Variants in SRPRB observed in about 807,000 individuals in gnomAD.
SRPRB encodes the protein SRP receptor subunit beta.
SRPRB carries 20 observed loss-of-function variants against 31.9 expected under a neutral mutation model. The ratio of observed to expected loss-of-function variants is 0.63; its 90% CI spans 0.44 to 0.91. SRPRB has a LOEUF of 0.91. Among genes scored for constraint, SRPRB ranks in the 40% least tolerant of loss-of-function variants. SRPRB has a pLI of 0.00. For missense variants in SRPRB, 321 were observed against 324.9 expected (o/e 0.99, Z 0.09); for synonymous variants, 146 against 132.8 (o/e 1.10, Z -0.68).
chr3:133,815,387 C>T (rs112768148), intron 4 of SRPRB, among the ~76,000 whole-genome samples: 194 of 152,140 alleles, frequency 1.3e-3, no homozygotes, highest in African/African-American at 4.4e-3. Context: ...TTTTCAGCTT[C>T]AGTCATTGAT....
intron 1 of SRPRB, 21 bp downstream of exon 1, chr3:133,806,023 A>G: frequency 6.2e-7 from 1 of 1,609,480 alleles, no homozygotes; most frequent in East Asian, 2.2e-5. Context: ...GCCGGTGGTC[A>G]TGGCGGGTTT....
chr3:133,809,698 C>A (rs1292387191), intron 3 of SRPRB, among the ~76,000 whole-genome samples: 1 of 151,936 alleles, frequency 6.6e-6, no homozygotes, highest in Non-Finnish European at 1.5e-5. Context: ...AGGACTAGTC[C>A]AAATTGAGGC....
chr3:133,803,283 G>A (rs1380422563), upstream of SRPRB, among the ~76,000 whole-genome samples: 1 of 152,050 alleles, frequency 6.6e-6, no homozygotes, highest in East Asian at 1.9e-4. Flanking sequence ...GCCGAGAAGC[G>A]ATCCCCAAAT....
downstream of SRPRB, chr3:133,826,199 C>T (rs1656725522): frequency 6.6e-6 from 1 of 152,152 alleles, no homozygotes; most frequent in African/African-American, 2.4e-5. Flanking sequence ...CCTCAGAGGC[C>T]AAGGGGCTGG....
At chr3:133,828,166 C>A, downstream of SRPRB, 3 of 591,804 alleles carry the variant, frequency 5.1e-6, no homozygotes, top group Non-Finnish European at 9.0e-6. Context: ...CAGCTCCACA[C>A]GAGGTTGACG....
At chr3:133,797,226 A>C (rs1388504320) in intron 1 of SRPRB, among the ~76,000 whole-genome samples, 10 of 152,228 alleles carry the variant, frequency 6.6e-5, no homozygotes, top group African/African-American at 2.4e-4. Flanking sequence ...CATTGAGTAC[A>C]CTTTGTGTTA....
intron 4 of SRPRB, among the ~76,000 whole-genome samples, chr3:133,815,374 C>CT (rs1440128891): frequency 6.6e-6 from 1 of 152,004 alleles, no homozygotes; most frequent in Non-Finnish European, 1.5e-5. Context: ...TTCTTACTGT[C>CT]TTTTTTCAGC....
downstream of SRPRB, among the ~76,000 whole-genome samples, chr3:133,823,471 T>C (rs1421416703): frequency 5.9e-5 from 9 of 152,232 alleles, no homozygotes; most frequent in Non-Finnish European, 1.3e-4. Context: ...CAGTCTGTTC[T>C]CAAACTCCTG....
At chr3:133,819,296 A>C (rs1935422744) in intron 6 of SRPRB, among the ~76,000 whole-genome samples, 1 of 152,128 alleles carries the variant, frequency 6.6e-6, no homozygotes, top group Non-Finnish European at 1.5e-5. Flanking sequence ...GGCTGAAAGA[A>C]AGTTGGTGTG....
rs1935457369 is a variant in SRPRB at position 133,820,731 on chromosome 3, G to C, written c.*965G>C. On this transcript the variant is annotated 3_prime_UTR_variant, in exon 7 of 7. Transcript: ENST00000678299. ...AACACAAGGCTTTTTTGAATGATTAGTATATTTCATGGTAAAGAAAACAGC... is the reference window on the plus strand; with the variant it reads ...AACACAAGGCTTTTTTGAATGATTACTATATTTCATGGTAAAGAAAACAGC... The C allele has an allele frequency of 6.6e-6, 1 of 152,034 alleles. No individual in the cohort carries two copies. The highest frequency in any genetic ancestry group is 1.5e-5 in the Non-Finnish European group (1 of 68,010). 9.4% of individuals were successfully genotyped at this position (152,034 alleles called of 1,614,324 possible). A position where few individuals can be genotyped will look rare whatever the true frequency, so the allele number is the denominator to read the frequency against.
intron 5 of SRPRB, among the ~76,000 whole-genome samples, chr3:133,816,513 G>A (rs560878056): frequency 1.5e-4 from 23 of 152,288 alleles, no homozygotes; most frequent in African/African-American, 5.5e-4. Context: ...GACAGATAGG[G>A]CACTGTCTTT....
chr3:133,803,111 C>A (rs571414955), upstream of SRPRB, among the ~76,000 whole-genome samples: 1 of 152,310 alleles, frequency 6.6e-6, no homozygotes, highest in South Asian at 2.1e-4. Context: ...GTATTAGACT[C>A]TGAGCATCCT....
intron 1 of SRPRB, chr3:133,790,188 C>T (rs1934797394): frequency 6.6e-6 from 1 of 152,060 alleles, no homozygotes; most frequent in East Asian, 1.9e-4. Context: ...TTTTGATGCT[C>T]ATTTAAGATC....
upstream of SRPRB, among the ~76,000 whole-genome samples, chr3:133,804,111 A>G (rs867548380): frequency 1.0e-4 from 15 of 150,514 alleles, no homozygotes; most frequent in East Asian, 1.4e-3. Context: ...AAAAAAAAAA[A>G]AAAAAGAAAA....
chr3:133,811,190 C>G lies in SRPRB; in HGVS notation c.401C>G (p.Ser134Cys), dbSNP rs775353473. ...LRLQFLERFK[S>C]SARAIVFVVD... ...CTTCAGTTCTTAGAGCGGTTTAAGT[C>G]TTCAGCCAGGTAAGAAGGAAAGAAG... The change falls in exon 4 of 7, where the codon TCT (serine) becomes TGT (cysteine). Residue 134 changes from serine (S) to cysteine (C), a missense_variant. Ser to Cys is a moderately radical substitution (Grantham distance 112). Transcript: ENST00000678299. The G allele has an allele frequency of 1.3e-5, 21 of 1,614,002 alleles. 1 individual carries two copies. The highest frequency in any genetic ancestry group is 1.6e-5 in the Non-Finnish European group (19 of 1,180,014).
chr3:133,789,894 T>TG (rs1159832985), intron 1 of SRPRB: 1 of 148,142 alleles, frequency 6.8e-6, no homozygotes, highest in African/African-American at 2.5e-5. Context: ...TTTTTTTTTT[T>TG]TTTTTTTTTT....
chr3:133,810,935 C>A, intron 3 of SRPRB, 182 bp from the exon 4 acceptor site: 2 of 494,514 alleles, frequency 4.0e-6, no homozygotes, highest in East Asian at 3.5e-5. Flanking sequence ...GATCAGGAAC[C>A]GTGTCTTTGG....
chr3:133,801,011 C>T (rs1412352423), upstream of SRPRB, among the ~76,000 whole-genome samples: 1 of 152,130 alleles, frequency 6.6e-6, no homozygotes, highest in Non-Finnish European at 1.5e-5. Context: ...TTGTGGCTTT[C>T]ATTATTGCTT....
chr3:133,801,264 T>C (rs1005126361), upstream of SRPRB, among the ~76,000 whole-genome samples: 1 of 152,208 alleles, frequency 6.6e-6, no homozygotes, highest in South Asian at 2.1e-4. Flanking sequence ...TAACTTTCCA[T>C]CTGCTATTGG....
Sources: gnomAD v4.1 joint callset for allele counts (sites outside exome capture counted in the v4.1 genomes callset) on GRCh38, gnomAD v4.1.1 for gene constraint, MANE v1.5 for transcripts, NCBI Gene and HGNC (gene_info 2026-07-23, HGNC 2026-07-21) for gene names.